The following DSG3 variants were observed in gnomAD, a reference collection of about 807,000 sequenced individuals.
DSG3 encodes the protein desmoglein-3.
In DSG3, 63 loss-of-function variants were observed where a neutral mutation model predicts 85.9. That is an observed-to-expected ratio of 0.73 (90% confidence interval 0.60 to 0.90). The LOEUF (loss-of-function observed/expected upper bound fraction) is 0.90. Among genes scored for constraint, DSG3 ranks in the 40% least tolerant of loss-of-function variants. DSG3 has a pLI of 0.00. For missense variants in DSG3, 1,220 were observed against 1,219.9 expected (o/e 1.00, Z 0.00); for synonymous variants, 447 against 441.9 (o/e 1.01, Z -0.14).
At position 31,465,214 on chromosome 18, in the gene DSG3, ATATAT is replaced by A. The variant is rs931431433; in HGVS notation, c.1272-101_1272-97del. On this transcript the variant is annotated intron_variant, in intron 9 of 15. Coordinates refer to ENST00000257189, the MANE Select transcript of DSG3 (RefSeq NM_001944.3). The stretch of plus-strand genomic sequence containing the variant: ...TATAAAAGCATATTTCAATGTGAAC[ATATAT>A]TAAATATGAATATACTAAATATAAA... The A allele has an allele frequency of 1.5e-5, 11 of 731,784 alleles. No homozygotes were observed. In the African/African-American group the frequency reaches 2.0e-4, roughly 14 times the overall value. 45.3% of individuals were successfully genotyped at this position (731,784 alleles called of 1,614,324 possible).
intron 3 of DSG3, among the ~76,000 whole-genome samples, 178 bp from the exon 4 acceptor site, chr18:31,458,267 A>C (rs920046234): frequency 6.6e-6 from 1 of 152,182 alleles, no homozygotes; most frequent in African/African-American, 2.4e-5. Flanking sequence ...CTGGTTGTCA[A>C]AAACAACGGT....
chr18:31,469,018 T>C, intron 11 of DSG3, 71 bp from the exon 12 acceptor site: 2 of 1,571,638 alleles, frequency 1.3e-6, no homozygotes, highest in Non-Finnish European at 1.7e-6. Context: ...TGATATTCTG[T>C]TATAGCAACA....
chr18:31,472,502 C>G, intron 13 of DSG3, 79 bp downstream of exon 13: 4 of 1,501,566 alleles, frequency 2.7e-6, no homozygotes, highest in Non-Finnish European at 2.7e-6. Flanking sequence ...GGAAAAGAGG[C>G]AAAGAGATTT....
intron 5 of DSG3, 82 bp from the exon 6 acceptor site, chr18:31,459,763 T>A (rs1300620835): frequency 7.5e-7 from 1 of 1,341,570 alleles, no homozygotes; most frequent in Non-Finnish European, 1.0e-6. Context: ...TTAGCATCAA[T>A]GTGAACTTGT....
At chr18:31,474,755 T>C (rs1311612247) in intron 15 of DSG3, among the ~76,000 whole-genome samples, 2 of 152,112 alleles carry the variant, frequency 1.3e-5, no homozygotes, top group Non-Finnish European at 2.9e-5. Flanking sequence ...ACCTCGTCTC[T>C]AAAATAAACA....
Position 31,458,485 on chromosome 18 carries a change from G to A in DSG3, c.257G>A (p.Arg86Gln), listed in dbSNP as rs138945214. 155 of 1,613,874 alleles carry A rather than the reference G, an allele frequency of 9.6e-5. No individual in the cohort carries two copies. Among genetic ancestry groups the A allele is most frequent in the East Asian group, 2.2e-4 (10 of 44,896 alleles). The part of the protein sequence containing the change: ...DYQATQKITY[R>Q]ISGVGIDQPP... ...CAAGCAACCCAGAAAATCACCTACC[G>A]AATCTCTGGAGTGGGAATCGATCAG... is the stretch of plus-strand genomic sequence containing the variant. Residue 86 changes from arginine (R) to glutamine (Q), a missense_variant, in exon 4 of 16, where the codon CGA becomes CAA. Physicochemically the swap from Arg to Gln is conservative, Grantham distance 43. Coordinates refer to ENST00000257189, the MANE Select transcript of DSG3 (RefSeq NM_001944.3).
intron 3 of DSG3, 66 bp downstream of exon 3, chr18:31,457,190 T>C: frequency 6.7e-7 from 1 of 1,500,384 alleles, no homozygotes; most frequent in Non-Finnish European, 8.9e-7. Context: ...ATTAAAATAA[T>C]ACGGCAATTC....
At position 31,447,754 on chromosome 18, in the gene DSG3, T is replaced by G. The variant is rs1466508026; in HGVS notation, c.-124T>G. 1 of 698,396 alleles carries G rather than the reference T, an allele frequency of 1.4e-6. No homozygotes were observed. The highest frequency in any genetic ancestry group is 1.9e-5 in the African/African-American group (1 of 53,456). The allele number at this position is 698,396 out of a possible 1,614,324, so 43.3% of individuals were successfully genotyped here. ...GGGAGGGACCGCATAACAGACCATC[T>G]GTAGACTCCTTCGGAAAGCAGCAGA... is the stretch of plus-strand genomic sequence containing the variant. On this transcript the variant is annotated 5_prime_UTR_variant, in exon 1 of 16. Coordinates refer to ENST00000257189, the MANE Select transcript of DSG3 (RefSeq NM_001944.3).
At chr18:31,474,009 C>A in intron 14 of DSG3, 112 bp from the exon 15 acceptor site, 1 of 988,402 alleles carries the variant, frequency 1.0e-6, no homozygotes, top group Non-Finnish European at 1.5e-6. Context: ...ATTGTATTTT[C>A]TCCCACTTAC....
intron 3 of DSG3, among the ~76,000 whole-genome samples, chr18:31,457,565 CTTTCTTTCTTTCTTTCTTTCTTCTTTCT>C (rs1568086417): frequency 2.8e-5 from 3 of 105,556 alleles, no homozygotes; most frequent in East Asian, 4.6e-4. Context: ...TTCTTTCTTT[CTTTCTTTCTTTCTTTCTTTCTTCTTTCT>C]TTCTTTCTTT....
At position 31,457,052 on chromosome 18, in the gene DSG3, A is replaced by G. The variant is rs1261323931; in HGVS notation, c.144A>G (p.Lys48=). Reference sequence around the variant, plus strand: ...TGCAACAAGCTAAAAGAAGGCAAAAACGTGAATGGGTGAAATTTGCCAAAC... The same window carrying G: ...TGCAACAAGCTAAAAGAAGGCAAAAGCGTGAATGGGTGAAATTTGCCAAAC... ...MTMQQAKRRQ[K]REWVKFAKPC... is the part of the protein sequence containing the mutation. Residue 48 remains lysine, a synonymous_variant, in exon 3 of 16, where the codon AAA becomes AAG. Coordinates refer to ENST00000257189, the MANE Select transcript of DSG3 (RefSeq NM_001944.3). 6.2e-7 allele frequency: 1 copy of G among 1,613,524 alleles called. No individual in the cohort carries two copies. Among genetic ancestry groups the G allele is most frequent in the South Asian group, 1.1e-5 (1 of 91,014 alleles).
At chr18:31,449,657 A>G (rs1160788039) in intron 1 of DSG3, among the ~76,000 whole-genome samples, 1 of 152,208 alleles carries the variant, frequency 6.6e-6, no homozygotes, top group Non-Finnish European at 1.5e-5. Flanking sequence ...CCTTCTCTAA[A>G]CTAAAAAACC....
At chr18:31,475,593 T>C in intron 15 of DSG3, 53 bp from the exon 16 acceptor site, 1 of 1,576,398 alleles carries the variant, frequency 6.3e-7, no homozygotes. Context: ...TATTATATTG[T>C]TCAACTGACT....
At chr18:31,471,682 A>T (rs1568091270) in intron 12 of DSG3, among the ~76,000 whole-genome samples, 1 of 152,226 alleles carries the variant, frequency 6.6e-6, no homozygotes, top group Non-Finnish European at 1.5e-5. Context: ...GCACAGAAAG[A>T]TATTTACGCT....
At chr18:31,460,059 A>G in intron 6 of DSG3, 48 bp downstream of exon 6, 5 of 1,548,898 alleles carry the variant, frequency 3.2e-6, no homozygotes, top group African/African-American at 1.4e-5. Flanking sequence ...GGGTTTGATT[A>G]TAAGAAAACC....
rs746211558 is a variant in DSG3 at position 31,474,324 on chromosome 18, A to ATT, written c.2305_2306insTT (p.Arg769IlefsTer17). The stretch of plus-strand genomic sequence containing the variant: ...AGGGCAGTCTGGAACCATGAGAACA[A>ATT]GGCATTCCACTGGAGGAACCAATAA... On this transcript the variant is annotated frameshift_variant, in exon 15 of 16. Coordinates refer to ENST00000257189, the MANE Select transcript of DSG3 (RefSeq NM_001944.3). LOFTEE classifies it high-confidence loss of function. 361 of 1,614,246 alleles carry ATT rather than the reference A, an allele frequency of 2.2e-4. No homozygotes were observed. The African/African-American group carries it at 3.7e-3, about 17-fold the overall frequency.
chr18:31,469,417 C>T, intron 12 of DSG3, 68 bp downstream of exon 12: 5 of 1,580,576 alleles, frequency 3.2e-6, no homozygotes, highest in Non-Finnish European at 4.3e-6. Flanking sequence ...CCATGCTGCC[C>T]TGCTCATCTG....
rs1399828194 is a variant in DSG3 at position 31,477,043 on chromosome 18, A to T, written c.*783A>T. On this transcript the variant is annotated 3_prime_UTR_variant, in exon 16 of 16. Transcript: ENST00000257189. ...TGCTTGGAAAAAGGGAAGTAGTTGC[A>T]GTAGAGTTTCTTCCATCTTCTTGGT... is the stretch of plus-strand genomic sequence containing the variant. 6.6e-6 allele frequency: 1 copy of T among 151,860 alleles called. No homozygotes were observed. Among genetic ancestry groups the T allele is most frequent in the African/African-American group, 2.4e-5 (1 of 41,352 alleles). The allele number at this position is 151,860 out of a possible 1,614,324, so 9.4% of individuals were successfully genotyped here. A position where few individuals can be genotyped will look rare whatever the true frequency, so the allele number is the denominator to read the frequency against.
chr18:31,461,434 T>G, intron 8 of DSG3, 22 bp downstream of exon 8: 1 of 1,583,982 alleles, frequency 6.3e-7, no homozygotes, highest in Non-Finnish European at 8.6e-7. Flanking sequence ...CTTCCCTTCA[T>G]TGGTAAAAAA....
Sources: allele counts gnomAD v4.1 joint callset (sites outside exome capture counted in the v4.1 genomes callset), GRCh38; gene constraint gnomAD v4.1.1; transcripts MANE v1.5; gene names NCBI Gene and HGNC (gene_info 2026-07-23, HGNC 2026-07-21).